Variants in TAFA2 observed in about 807,000 individuals in gnomAD.
TAFA2 encodes the protein chemokine-like protein TAFA-2.
Under a neutral mutation model 18.8 loss-of-function variants are expected in TAFA2, and 7 were observed. The observed-to-expected ratio is 0.37, with a 90% confidence interval of 0.21 to 0.70. TAFA2 has a LOEUF of 0.70. Ranked by LOEUF, TAFA2 falls within the 30% of genes least tolerant of loss-of-function variation. The pLI is 0.53. For synonymous variants in TAFA2, 60 were observed against 54.2 expected (o/e 1.11, Z -0.47); for missense variants, 122 against 158.1 (o/e 0.77, Z 1.23).
chr12:61,933,300 A>G (rs1329110827), intron 1 of TAFA2, among the ~76,000 whole-genome samples: 2 of 152,314 alleles, frequency 1.3e-5, no homozygotes, highest in African/African-American at 2.4e-5. Flanking sequence ...CAGCTATGAG[A>G]TATAGTTTCC....
intron 2 of TAFA2, among the ~76,000 whole-genome samples, chr12:61,780,453 T>A (rs1441993243): frequency 6.6e-6 from 1 of 151,886 alleles, no homozygotes; most frequent in Admixed American, 6.6e-5. Context: ...TGACATCTCC[T>A]TTCTTACAGC....
intron 1 of TAFA2, among the ~76,000 whole-genome samples, chr12:62,135,330 T>C (rs186204022): frequency 6.6e-6 from 1 of 152,050 alleles, no homozygotes; most frequent in Admixed American, 6.6e-5. Context: ...AAAATCTGAC[T>C]CCTCTAACTT....
At chr12:61,799,868 T>A (rs1871338749) in intron 2 of TAFA2, among the ~76,000 whole-genome samples, 2 of 152,044 alleles carry the variant, frequency 1.3e-5, no homozygotes, top group African/African-American at 4.8e-5. Context: ...AAACTAAGGA[T>A]CCAGAAGGTA....
At chr12:61,842,594 C>T (rs188607886) in intron 2 of TAFA2, among the ~76,000 whole-genome samples, 2 of 152,110 alleles carry the variant, frequency 1.3e-5, no homozygotes, top group Admixed American at 1.3e-4. Context: ...CATTAAAATA[C>T]TTCCTAGAAA....
chr12:61,991,283 A>G (rs1311542258), intron 1 of TAFA2, among the ~76,000 whole-genome samples: 1 of 152,240 alleles, frequency 6.6e-6, no homozygotes, highest in African/African-American at 2.4e-5. Flanking sequence ...GGTGCATTGT[A>G]AGTCTACCTA....
intron 1 of TAFA2, among the ~76,000 whole-genome samples, chr12:62,226,598 C>T (rs2062787876): frequency 6.6e-6 from 1 of 152,264 alleles, no homozygotes; most frequent in African/African-American, 2.4e-5. Flanking sequence ...TATCTTGAGG[C>T]TTTTAAACCT....
chr12:62,011,751 T>TA (rs202026493), intron 1 of TAFA2, among the ~76,000 whole-genome samples: 30,670 of 102,418 alleles, frequency 0.3, 3,404 homozygotes, highest in Non-Finnish European at 0.35. Flanking sequence ...CAATAAATAC[T>TA]AAAAAAAAAA....
At chr12:62,097,895 C>T (rs144483818) in intron 1 of TAFA2, among the ~76,000 whole-genome samples, 2 of 152,132 alleles carry the variant, frequency 1.3e-5, no homozygotes, top group Admixed American at 1.3e-4. Flanking sequence ...TTCCCAGAGG[C>T]TGCTTTGTCA....
chr12:61,927,254 T>C (rs1044822004), intron 1 of TAFA2, among the ~76,000 whole-genome samples: 12 of 152,040 alleles, frequency 7.9e-5, no homozygotes, highest in African/African-American at 2.7e-4. Context: ...TGATTGTATA[T>C]TTAGAAAAAC....
intron 4 of TAFA2, among the ~76,000 whole-genome samples, chr12:61,731,101 C>T (rs1235317617): frequency 6.6e-6 from 1 of 152,056 alleles, no homozygotes; most frequent in Non-Finnish European, 1.5e-5. Flanking sequence ...GGGAGTACCT[C>T]CAGGGTTCTT....
intron 1 of TAFA2, among the ~76,000 whole-genome samples, chr12:62,236,124 T>C (rs2136986920): frequency 6.6e-6 from 1 of 152,306 alleles, no homozygotes; most frequent in Middle Eastern, 3.4e-3. Context: ...TCTGCAGTTA[T>C]TATTTTTGAT....
rs1022753261 is a variant in TAFA2 at position 61,811,867 on chromosome 12, A to T, written c.106+55453T>A. On this transcript the variant is annotated intron_variant, in intron 2 of 4. Coordinates refer to ENST00000416284, the MANE Select transcript of TAFA2 (RefSeq NM_178539.5). ...CAGTTGATTGTGGATCTTGAATATC[A>T]AGCTAAGGTTTTGACTTTATGAAGC... is the stretch of plus-strand genomic sequence containing the variant. Among the ~76,000 whole-genome samples the T allele has an allele frequency of 2.6e-5, 4 of 151,500 alleles. 1 individual carries two copies. The highest frequency in any genetic ancestry group is 9.8e-5 in the African/African-American group (4 of 40,780).
rs1052499463 is a variant in TAFA2 at position 61,820,869 on chromosome 12, A to G, written c.106+46451T>C. On this transcript the variant is annotated intron_variant, in intron 2 of 4. Transcript: ENST00000416284. ...TAATGTTCTATACAATTGTTTTAAC[A>G]AAGAAATAAGTATATGGAGATTCTT... 3.3e-5 allele frequency among the ~76,000 whole-genome samples: 5 copies of G among 152,156 alleles called. No individual in the cohort carries two copies. In the South Asian group the frequency reaches 1.0e-3, roughly 32 times the overall value.
intron 1 of TAFA2, among the ~76,000 whole-genome samples, chr12:62,083,723 A>G (rs1030254848): frequency 6.7e-6 from 1 of 149,926 alleles, no homozygotes; most frequent in Non-Finnish European, 1.5e-5. Flanking sequence ...TTTTAAATAT[A>G]TTTTTTTTTG....
Position 61,812,715 on chromosome 12 carries a change from G to A in TAFA2, c.106+54605C>T, listed in dbSNP as rs549448873. ...CTCATGAGTAGCTGGGATTACAGGC[G>A]CCCCCTGCCACGCCCGGATAACTTT... On this transcript the variant is annotated intron_variant, in intron 2 of 4. Coordinates refer to ENST00000416284, the MANE Select transcript of TAFA2 (RefSeq NM_178539.5). 6.0e-5 allele frequency among the ~76,000 whole-genome samples: 9 copies of A among 150,546 alleles called. No homozygotes were observed. The South Asian group carries it at 6.3e-4, about 10-fold the overall frequency.
intron 1 of TAFA2, among the ~76,000 whole-genome samples, chr12:62,077,526 C>T (rs1020425269): frequency 6.6e-6 from 1 of 152,098 alleles, no homozygotes; most frequent in Non-Finnish European, 1.5e-5. Context: ...TGGCCAATTT[C>T]GGAGAAGAAA....
At chr12:62,244,524 C>A (rs2062876212) in intron 1 of TAFA2, among the ~76,000 whole-genome samples, 1 of 152,104 alleles carries the variant, frequency 6.6e-6, no homozygotes, top group African/African-American at 2.4e-5. Context: ...ATAAATAATG[C>A]TCTAATCAGT....
chr12:62,202,664 C>T (rs1318881436), intron 1 of TAFA2, among the ~76,000 whole-genome samples: 5 of 151,974 alleles, frequency 3.3e-5, no homozygotes, highest in African/African-American at 1.2e-4. Flanking sequence ...ATAAATTTCC[C>T]TCTTAATACT....
intron 1 of TAFA2, among the ~76,000 whole-genome samples, chr12:62,052,364 T>G (rs78219743): frequency 0.018 from 2,800 of 152,166 alleles, 58 homozygotes; most frequent in African/African-American, 0.041. Context: ...ATCTAATTTT[T>G]TTGTTGTTGT....
Sources: allele counts gnomAD v4.1 joint callset (sites outside exome capture counted in the v4.1 genomes callset), GRCh38; gene constraint gnomAD v4.1.1; transcripts MANE v1.5; gene names NCBI Gene and HGNC (gene_info 2026-07-23, HGNC 2026-07-21).